GLIS3: variants seen among roughly 807,000 people sequenced by gnomAD.
GLIS3 encodes GLIS family zinc finger 3.
In GLIS3, 53 loss-of-function variants were observed where a neutral mutation model predicts 78.6. The observed-to-expected ratio is 0.67, with a 90% CI of 0.54 to 0.85. The LOEUF is 0.85. GLIS3 is among the 40% of genes least tolerant of loss of function. The pLI is 0.00. For synonymous variants in GLIS3, 684 were observed against 509.9 expected (o/e 1.34, Z -4.60); for missense variants, 1,703 against 1,231.1 (o/e 1.38, Z -5.74).
chr9:4,432,806 A>G, the GLIS3 span, among the ~76,000 whole-genome samples: 3 of 151,740 alleles, frequency 2.0e-5, no homozygotes, highest in Non-Finnish European at 2.9e-5. Context: ...ACGCCCGGCT[A>G]ATTTTTGTAT....
At position 4,286,402 on chromosome 9, in the gene GLIS3, C is replaced by A. The variant is rs201804281; in HGVS notation, c.24G>T (p.Met8Ile). 1.4e-5 allele frequency: 22 copies of A among 1,614,028 alleles called. No individual in the cohort carries two copies. The African/African-American group carries it at 2.8e-4, about 21-fold the overall frequency. MNGRSCS[M>I]SLHRTSGTPQ... ...GGGTTCCCGATGTCCGGTGGAGACT[C>A]ATGCTGCATGATCTTCCATTCATTC... is the stretch of plus-strand genomic sequence containing the variant. The change falls in exon 2 of 11, where the codon ATG (methionine) becomes ATT (isoleucine). Residue 8 changes from methionine (M) to isoleucine (I), a missense_variant. Physicochemically the swap from Met to Ile is conservative, Grantham distance 10. Transcript: ENST00000381971.
At chr9:4,090,554 T>C (rs1002271408) in intron 4 of GLIS3, among the ~76,000 whole-genome samples, 4 of 151,788 alleles carry the variant, frequency 2.6e-5, no homozygotes, top group African/African-American at 7.3e-5. Flanking sequence ...ACTGAACACA[T>C]AGCAGTTGGA....
intron 6 of GLIS3, among the ~76,000 whole-genome samples, chr9:3,926,504 A>T (rs1195595209): frequency 6.6e-6 from 1 of 152,162 alleles, no homozygotes; most frequent in Non-Finnish European, 1.5e-5. Context: ...TGCTGGGATT[A>T]CAGGCGTGAG....
chr9:4,135,456 C>A (rs889326606), intron 2 of GLIS3, among the ~76,000 whole-genome samples: 7 of 152,020 alleles, frequency 4.6e-5, no homozygotes, highest in African/African-American at 1.7e-4. Flanking sequence ...CACACATTGA[C>A]CCCTATATTC....
In GLIS3 at chr9:4,194,369, A is replaced by G. The variant is rs190417110; in HGVS notation, c.389-68428T>C. ...GCCACAGCACCTGGCCTGCCACTTT[A>G]TTTTTTTAAAAGGCAGAGGTAAAAA... is the stretch of plus-strand genomic sequence containing the variant. On this transcript the variant is annotated intron_variant, in intron 2 of 10. Coordinates refer to ENST00000381971, the MANE Select transcript of GLIS3 (RefSeq NM_001042413.2). Among the ~76,000 whole-genome samples the G allele has an allele frequency of 2.2e-3, 333 of 152,244 alleles. 1 individual carries two copies. The highest frequency in any genetic ancestry group is 0.01 in the Middle Eastern group (3 of 294).
chr9:4,322,385 T>C (rs1216975636), intron 2 of GLIS3, among the ~76,000 whole-genome samples: 1 of 152,188 alleles, frequency 6.6e-6, no homozygotes, highest in Non-Finnish European at 1.5e-5. Flanking sequence ...ATCCTTTGGG[T>C]ATATACTCAA....
chr9:3,901,081 C>A (rs10116783), intron 6 of GLIS3: 1 of 152,670 alleles, frequency 6.6e-6, no homozygotes, highest in Non-Finnish European at 1.5e-5. Context: ...CTCGTGACTA[C>A]GCACCTTGTG....
At chr9:4,165,716 T>A (rs1271739510) in intron 2 of GLIS3, among the ~76,000 whole-genome samples, 1 of 152,146 alleles carries the variant, frequency 6.6e-6, no homozygotes, top group African/African-American at 2.4e-5. Flanking sequence ...TATGCAGATA[T>A]CCAGATAGAA....
chr9:4,065,144 G>C (rs1826986745), intron 4 of GLIS3, among the ~76,000 whole-genome samples: 1 of 152,120 alleles, frequency 6.6e-6, no homozygotes, highest in Non-Finnish European at 1.5e-5. Flanking sequence ...ATTTTTCCCA[G>C]AACTCTCCCA....
chr9:4,385,056 G>C, the GLIS3 span, among the ~76,000 whole-genome samples: 1 of 152,276 alleles, frequency 6.6e-6, no homozygotes, highest in South Asian at 2.1e-4. Context: ...CAATAGTGGA[G>C]CAATATATTT....
intron 9 of GLIS3, among the ~76,000 whole-genome samples, chr9:3,831,843 A>G (rs1818062147): frequency 6.6e-6 from 1 of 152,204 alleles, no homozygotes; most frequent in African/African-American, 2.4e-5. Flanking sequence ...TATAAGGTTC[A>G]TGTTTCAAAA....
At position 3,856,140 on chromosome 9, in the gene GLIS3, C is replaced by T; in HGVS notation, c.2342G>A (p.Arg781Lys). The change falls in exon 9 of 11, where the codon AGA becomes AAA. Residue 781 changes from arginine to lysine, a missense_variant. Arg to Lys is a conservative substitution (Grantham distance 26). Coordinates refer to ENST00000381971, the MANE Select transcript of GLIS3 (RefSeq NM_001042413.2). ...CAGTATTGAAGAAGGAGCTGGAACT[C>T]TCCGGGGGCTGATGTGGTGAGGAGA... ...APSPHHISPR[R>K]VPAPSSILQR... The T allele has an allele frequency of 6.2e-7, 1 of 1,614,114 alleles. No individual in the cohort carries two copies. The highest frequency in any genetic ancestry group is 8.5e-7 in the Non-Finnish European group (1 of 1,180,004).
intron 7 of GLIS3, among the ~76,000 whole-genome samples, chr9:3,884,203 C>T (rs148938878): frequency 1.3e-5 from 2 of 152,272 alleles, no homozygotes; most frequent in Non-Finnish European, 2.9e-5. Context: ...ATAAACAGGG[C>T]ACCCTTGGGG....
At chr9:4,250,807 T>G (rs1466868936) in intron 2 of GLIS3, among the ~76,000 whole-genome samples, 1 of 152,208 alleles carries the variant, frequency 6.6e-6, no homozygotes, top group Non-Finnish European at 1.5e-5. Flanking sequence ...TTCTGGTACG[T>G]TGTGTCTTTG....
chr9:4,221,724 C>A (rs573355350), intron 2 of GLIS3, among the ~76,000 whole-genome samples: 1 of 152,284 alleles, frequency 6.6e-6, no homozygotes, highest in African/African-American at 2.4e-5. Context: ...TATGGAAACA[C>A]ATTACAAAGG....
chr9:4,364,755 G>GTTTTTTTTTTT, the GLIS3 span, among the ~76,000 whole-genome samples: 3 of 15,480 alleles, frequency 1.9e-4, no homozygotes, highest in Non-Finnish European at 4.4e-4. Flanking sequence ...ATCATGTATT[G>GTTTTTTTTTTT]CTTTTTTTTT....
chr9:4,171,543 G>A (rs536021876), intron 2 of GLIS3, among the ~76,000 whole-genome samples: 2 of 152,260 alleles, frequency 1.3e-5, no homozygotes, highest in Admixed American at 6.5e-5. Context: ...TTGGAATAAG[G>A]AAAGATTCTT....
intron 4 of GLIS3, among the ~76,000 whole-genome samples, chr9:4,044,507 CA>C (rs959522841): frequency 1.3e-5 from 2 of 152,142 alleles, no homozygotes; most frequent in African/African-American, 4.8e-5. Flanking sequence ...TCCTATTTTT[CA>C]GTGAAAATTA....
the GLIS3 span, among the ~76,000 whole-genome samples, chr9:4,448,080 A>G: frequency 6.6e-6 from 1 of 152,166 alleles, no homozygotes; most frequent in Admixed American, 6.5e-5. Context: ...GATAGAGCCC[A>G]GCTTTCCTTG....
Sources: allele counts gnomAD v4.1 joint callset (sites outside exome capture counted in the v4.1 genomes callset), GRCh38; gene constraint gnomAD v4.1.1; transcripts MANE v1.5; gene names NCBI Gene and HGNC (gene_info 2026-07-23, HGNC 2026-07-21).